The following EPM2A variants were observed in gnomAD, a reference collection of about 807,000 sequenced individuals.
EPM2A encodes the protein laforin.
EPM2A carries 21 observed loss-of-function variants against 26.5 expected under a neutral mutation model. That is an observed-to-expected ratio of 0.79 (90% CI 0.56 to 1.14). The LOEUF (loss-of-function observed/expected upper bound fraction) is 1.14, where lower values mean the gene tolerates loss of function less well. Ranked by LOEUF, EPM2A falls within the 50% of genes most tolerant of loss-of-function variation. EPM2A has a pLI of 0.00. For missense variants in EPM2A, 458 were observed against 440.8 expected (o/e 1.04, Z -0.35); for synonymous variants, 217 against 177.6 (o/e 1.22, Z -1.76).
chr6:145,428,262 A>G (rs190620348), intron 4 of EPM2A, among the ~76,000 whole-genome samples: 188 of 152,182 alleles, frequency 1.2e-3, no homozygotes, highest in African/African-American at 4.2e-3. Flanking sequence ...TGTATCTTTT[A>G]TAAGTTCTAT....
intron 1 of EPM2A, among the ~76,000 whole-genome samples, chr6:145,712,222 C>T (rs1775372240): frequency 6.6e-6 from 1 of 152,014 alleles, no homozygotes; most frequent in South Asian, 2.1e-4. Context: ...ACAGACCATC[C>T]ACATCAATTT....
At chr6:145,638,772 T>C (rs1450465069) in intron 2 of EPM2A, 1 of 152,238 alleles carries the variant, frequency 6.6e-6, no homozygotes, top group African/African-American at 2.4e-5. Flanking sequence ...AACACATCAA[T>C]GGATTCTGCT....
At chr6:145,489,413 A>G (rs1779726256) in intron 4 of EPM2A, among the ~76,000 whole-genome samples, 1 of 152,166 alleles carries the variant, frequency 6.6e-6, no homozygotes, top group African/African-American at 2.4e-5. Flanking sequence ...GTTTCCAGAA[A>G]TGTACTTCTC....
intron 2 of EPM2A, among the ~76,000 whole-genome samples, chr6:145,529,142 A>G (rs1185581958): frequency 6.6e-6 from 1 of 152,170 alleles, no homozygotes; most frequent in African/African-American, 2.4e-5. Flanking sequence ...GTTTCTTGAG[A>G]TAGAGACTAC....
chr6:145,554,657 A>T (rs547950221), intron 2 of EPM2A, among the ~76,000 whole-genome samples: 9 of 152,198 alleles, frequency 5.9e-5, no homozygotes, highest in Non-Finnish European at 1.2e-4. Flanking sequence ...CTTTCTCCTG[A>T]TATAGCAGAA....
At chr6:145,407,571 T>C (rs1313807128) in intron 4 of EPM2A, among the ~76,000 whole-genome samples, 8 of 152,158 alleles carry the variant, frequency 5.3e-5, no homozygotes. Flanking sequence ...GTGAGGAGTT[T>C]TCACAATTTA....
intron 4 of EPM2A, among the ~76,000 whole-genome samples, chr6:145,400,477 T>A (rs1156958062): frequency 1.3e-5 from 2 of 152,158 alleles, no homozygotes; most frequent in Admixed American, 1.3e-4. Context: ...ATCAATTGCC[T>A]AATATTGACC....
At position 145,424,941 on chromosome 6, in the gene EPM2A, T is replaced by C. The variant is rs541520081; in HGVS notation, c.556-40844A>G. Among the ~76,000 whole-genome samples the C allele has an allele frequency of 2.0e-5, 3 of 151,924 alleles. No homozygotes were observed. The East Asian group carries it at 5.8e-4, about 30-fold the overall frequency. ...TGGTATTTTGTTATAGCAGCCCCAA[T>C]GGACTAAGACTATATTAGATATATA... On this transcript the variant is annotated intron_variant, in intron 4 of 4. Coordinates refer to the EPM2A transcript ENST00000638717.
chr6:145,620,675 C>G (rs568397750), downstream of EPM2A, among the ~76,000 whole-genome samples: 1 of 152,282 alleles, frequency 6.6e-6, no homozygotes, highest in South Asian at 2.1e-4. Context: ...ATGACCTGTT[C>G]TGTTCAAGGT....
intron 4 of EPM2A, among the ~76,000 whole-genome samples, chr6:145,446,532 ATGT>A (rs1779130861): frequency 6.6e-6 from 1 of 152,122 alleles, no homozygotes; most frequent in African/African-American, 2.4e-5. Context: ...AAAGTATTTA[ATGT>A]TGGTGGATTT....
intron 4 of EPM2A, among the ~76,000 whole-genome samples, chr6:145,445,497 A>AAG (rs1779118260): frequency 6.6e-6 from 1 of 152,226 alleles, no homozygotes; most frequent in Non-Finnish European, 1.5e-5. Flanking sequence ...AGAAGAATAG[A>AAG]TTACGACTGA....
rs537962285 is a variant in EPM2A at position 145,734,297 on chromosome 6, C to G, written c.301+901G>C. Among the ~76,000 whole-genome samples, 13 of 151,794 alleles carry G rather than the reference C, an allele frequency of 8.6e-5. No individual in the cohort carries two copies. In the South Asian group the frequency reaches 2.7e-3, roughly 32 times the overall value. On this transcript the variant is annotated intron_variant, in intron 1 of 3. Transcript: ENST00000367519. ...ACGTGTAGTGACAGTGAAAGATGTC[C>G]CTAACATATTGTTAGGCAAGAAAAG... is the stretch of plus-strand genomic sequence containing the variant.
intron 4 of EPM2A, among the ~76,000 whole-genome samples, chr6:145,460,588 C>CCCTCCCTT (rs966557372): frequency 3.9e-5 from 6 of 152,024 alleles, no homozygotes; most frequent in African/African-American, 7.2e-5. Flanking sequence ...TTGTTTCCTG[C>CCCTCCCTT]CCTCCCTTCC....
At chr6:145,592,484 T>G (rs923308487) in intron 2 of EPM2A, among the ~76,000 whole-genome samples, 1 of 152,202 alleles carries the variant, frequency 6.6e-6, no homozygotes, top group Non-Finnish European at 1.5e-5. Flanking sequence ...TGTGCATGTG[T>G]CTTTATAGCA....
chr6:145,383,842 C>G (rs1295070563), exon 5 of EPM2A: 1 of 152,206 alleles, frequency 6.6e-6, no homozygotes, highest in Non-Finnish European at 1.5e-5. Flanking sequence ...CCTCTACTTA[C>G]AGATTTCTGA....
intron 2 of EPM2A, chr6:145,671,548 G>T: frequency 4.2e-6 from 1 of 238,496 alleles, no homozygotes; most frequent in Non-Finnish European, 6.8e-6. Context: ...ACTTTTAATA[G>T]TCATCTAGTT....
chr6:145,460,082 G>A (rs1168318925), intron 4 of EPM2A, among the ~76,000 whole-genome samples: 1 of 152,014 alleles, frequency 6.6e-6, no homozygotes. Flanking sequence ...TAAAGGCTTG[G>A]ACTAAGCATA....
chr6:145,434,817 T>G (rs929262749), intron 4 of EPM2A, among the ~76,000 whole-genome samples: 2 of 152,158 alleles, frequency 1.3e-5, no homozygotes, highest in African/African-American at 4.8e-5. Context: ...AGTTTGGGAT[T>G]TTTCCCCTCT....
chr6:145,421,140 C>T (rs1034947696), intron 4 of EPM2A, among the ~76,000 whole-genome samples: 1 of 152,124 alleles, frequency 6.6e-6, no homozygotes, highest in Non-Finnish European at 1.5e-5. Flanking sequence ...GTAACACTAA[C>T]TGTTTTTGCA....
Sources: gnomAD v4.1 joint callset for allele counts (sites outside exome capture counted in the v4.1 genomes callset) on GRCh38, gnomAD v4.1.1 for gene constraint, MANE v1.5 for transcripts, NCBI Gene and HGNC (gene_info 2026-07-23, HGNC 2026-07-21) for gene names.